RTTN: variants seen among roughly 807,000 people sequenced by gnomAD.
RTTN encodes the protein rotatin.
Under a neutral mutation model 269.2 loss-of-function variants are expected in RTTN, and 182 were observed. The observed-to-expected ratio is 0.68, with a 90% CI of 0.60 to 0.76. The LOEUF (loss-of-function observed/expected upper bound fraction) is 0.76, where lower values mean the gene tolerates loss of function less well. RTTN is among the 30% of genes least tolerant of loss of function. The pLI, the probability that RTTN is intolerant of heterozygous loss-of-function variation, is 0.00. For missense variants in RTTN, 2,545 were observed against 2,608.6 expected (o/e 0.98, Z 0.53); for synonymous variants, 1,006 against 963.5 (o/e 1.04, Z -0.82).
intron 14 of RTTN, among the ~76,000 whole-genome samples, chr18:70,152,850 T>C (rs1050569123): frequency 2.0e-5 from 3 of 152,178 alleles, no homozygotes; most frequent in Non-Finnish European, 4.4e-5. Context: ...TTCCCCACAA[T>C]GGGAGAGTGA....
At chr18:70,169,842 G>C (rs1263651612) in intron 11 of RTTN, among the ~76,000 whole-genome samples, 1 of 152,168 alleles carries the variant, frequency 6.6e-6, no homozygotes, top group Admixed American at 6.5e-5. Context: ...AAAATCTCTT[G>C]ACAAGACTCA....
At chr18:70,102,274 T>C (rs1010588928) in intron 28 of RTTN, among the ~76,000 whole-genome samples, 3 of 152,226 alleles carry the variant, frequency 2.0e-5, no homozygotes, top group Admixed American at 6.5e-5. Context: ...ACTGGGTGCA[T>C]ATATATTTAG....
chr18:70,145,288 T>G (rs991268357), intron 18 of RTTN, among the ~76,000 whole-genome samples: 3 of 152,218 alleles, frequency 2.0e-5, no homozygotes, highest in Non-Finnish European at 4.4e-5. Context: ...TATTTCATTA[T>G]ATATTACAAT....
intron 28 of RTTN, among the ~76,000 whole-genome samples, chr18:70,100,088 TTAAAG>T (rs1386135398): frequency 1.3e-5 from 2 of 152,232 alleles, no homozygotes; most frequent in Non-Finnish European, 2.9e-5. Context: ...CATTTGAACT[TTAAAG>T]TAGTTTTTTC....
At chr18:70,152,887 G>A (rs550111555) in intron 14 of RTTN, among the ~76,000 whole-genome samples, 3 of 152,240 alleles carry the variant, frequency 2.0e-5, no homozygotes, top group Admixed American at 2.0e-4. Context: ...ATCAGATCAC[G>A]TTAAAATCAT....
intron 7 of RTTN, among the ~76,000 whole-genome samples, chr18:70,195,594 A>C (rs1026728702): frequency 6.6e-6 from 1 of 152,242 alleles, no homozygotes; most frequent in Non-Finnish European, 1.5e-5. Flanking sequence ...CCAGCCTTTT[A>C]AAATAGAAGC....
chr18:70,157,890 G>A (rs766457818), intron 14 of RTTN, among the ~76,000 whole-genome samples: 1 of 146,138 alleles, frequency 6.8e-6, no homozygotes, highest in Non-Finnish European at 1.5e-5. Context: ...ATCATCACAG[G>A]CAAACAGAAA....
intron 28 of RTTN, among the ~76,000 whole-genome samples, chr18:70,098,919 T>C (rs561496221): frequency 2.0e-5 from 3 of 152,330 alleles, no homozygotes; most frequent in Non-Finnish European, 4.4e-5. Context: ...TGCGATAGTT[T>C]GCTGAGAACG....
intron 14 of RTTN, among the ~76,000 whole-genome samples, chr18:70,152,646 T>A (rs1254094769): frequency 6.6e-6 from 1 of 152,092 alleles, no homozygotes; most frequent in Non-Finnish European, 1.5e-5. Flanking sequence ...AACTGCTAGA[T>A]CCAAAACCTT....
chr18:70,054,911 A>C (rs2057774118), intron 37 of RTTN, among the ~76,000 whole-genome samples: 1 of 152,202 alleles, frequency 6.6e-6, no homozygotes, highest in Non-Finnish European at 1.5e-5. Context: ...AAAGCCATAA[A>C]GTCTATAATT....
intron 4 of RTTN, among the ~76,000 whole-genome samples, chr18:70,200,094 G>A (rs1208657291): frequency 2.0e-5 from 3 of 152,178 alleles, no homozygotes; most frequent in Non-Finnish European, 4.4e-5. Flanking sequence ...ATCTTATATA[G>A]TACAAGTTAA....
chr18:70,057,634 T>C lies in RTTN; in HGVS notation c.5031+108A>G, dbSNP rs141638024. 258 of 745,376 alleles carry C rather than the reference T, an allele frequency of 3.5e-4. No individual in the cohort carries two copies. In the African/African-American group the frequency reaches 3.7e-3, roughly 11 times the overall value. The allele number at this position is 745,376 out of a possible 1,614,324, so 46.2% of individuals were successfully genotyped here. ...TCGAATAATCTCATCATACCATGTA[T>C]ATTTTGAGAGGTTTTCATCCTTTTC... On this transcript the variant is annotated intron_variant, in intron 37 of 48. Coordinates refer to ENST00000640769, the MANE Select transcript of RTTN (RefSeq NM_173630.4).
In RTTN at chr18:70,076,423, G is replaced by A. The variant is rs189451431; in HGVS notation, c.4375-882C>T. Among the ~76,000 whole-genome samples, 184 of 152,084 alleles carry A rather than the reference G, an allele frequency of 1.2e-3. 1 individual carries two copies. The highest frequency in any genetic ancestry group is 7.9e-4 in the Non-Finnish European group (54 of 67,942). On this transcript the variant is annotated intron_variant, in intron 32 of 48. Transcript: ENST00000640769. ...CTTTAACCATAAGATTTGTATGTGT[G>A]TCTGTTCTCTCACCCTCCCCATCAC...
intron 5 of RTTN, among the ~76,000 whole-genome samples, chr18:70,198,083 G>C (rs1009870716): frequency 6.6e-6 from 1 of 152,144 alleles, no homozygotes; most frequent in African/African-American, 2.4e-5. Flanking sequence ...ACAATTCTAG[G>C]AAATCTGCCA....
In RTTN at chr18:70,080,138, T is replaced by C. The variant is rs1368601919; in HGVS notation, c.4375-4597A>G. 2.0e-5 allele frequency among the ~76,000 whole-genome samples: 3 copies of C among 152,074 alleles called. No homozygotes were observed. The East Asian group carries it at 5.8e-4, about 29-fold the overall frequency. ...ACAAACAAAAGATAAAAATAATACA[T>C]ATTAATCATATCAAATATCAAAATA... On this transcript the variant is annotated intron_variant, in intron 32 of 48. Coordinates refer to ENST00000640769, the MANE Select transcript of RTTN (RefSeq NM_173630.4).
chr18:70,031,413 C>G (rs1221937090), intron 40 of RTTN: 1 of 398,294 alleles, frequency 2.5e-6, no homozygotes, highest in East Asian at 3.6e-5. Context: ...TAAACTACCC[C>G]TATATCTCAG....
At chr18:70,110,459 G>C (rs1316122168) in intron 27 of RTTN, among the ~76,000 whole-genome samples, 1 of 152,064 alleles carries the variant, frequency 6.6e-6, no homozygotes, top group African/African-American at 2.4e-5. Flanking sequence ...GAAGCGCAAG[G>C]GGTCGGGGAA....
At chr18:70,142,266 C>T (rs941443996) in intron 19 of RTTN, 22 bp downstream of exon 19, 2 of 1,445,222 alleles carry the variant, frequency 1.4e-6, no homozygotes, top group Non-Finnish European at 1.9e-6. Context: ...GTACAGCAAT[C>T]ATTTCCCTTA....
chr18:70,054,071 G>GTA (rs1555707302), intron 38 of RTTN, 60 bp downstream of exon 38: 8 of 1,379,396 alleles, frequency 5.8e-6, no homozygotes, highest in African/African-American at 4.3e-5. Flanking sequence ...CTGAAACAGA[G>GTA]TAAGTTTTTT....
Sources: gnomAD v4.1 joint callset for allele counts (sites outside exome capture counted in the v4.1 genomes callset) on GRCh38, gnomAD v4.1.1 for gene constraint, MANE v1.5 for transcripts, NCBI Gene and HGNC (gene_info 2026-07-23, HGNC 2026-07-21) for gene names.